NOX4: variants seen among roughly 807,000 people sequenced by gnomAD.
NOX4 encodes kidney oxidase-1.
NOX4 carries 69 observed loss-of-function variants against 87.6 expected under a neutral mutation model. The observed-to-expected ratio is 0.79, with a 90% confidence interval of 0.65 to 0.96. The LOEUF is 0.96. NOX4 is among the 40% of genes least tolerant of loss of function. The probability of loss-of-function intolerance (pLI) is 0.00; values close to 1 mark genes in which losing one functional copy is unlikely to be tolerated. For synonymous variants in NOX4, 275 were observed against 238.2 expected, an observed-to-expected ratio of 1.15 and a Z score of -1.42; for missense variants, 680 against 681.5, an observed-to-expected ratio of 1.00 and a Z score of 0.02.
intron 6 of NOX4, among the ~76,000 whole-genome samples, chr11:89,434,424 C>T (rs1943976873): frequency 6.6e-6 from 1 of 152,014 alleles, no homozygotes; most frequent in African/African-American, 2.4e-5. Context: ...CGCTTCCTTC[C>T]TAGAGGAAAA....
intron 16 of NOX4, among the ~76,000 whole-genome samples, chr11:89,337,112 T>C (rs993040012): frequency 6.6e-6 from 1 of 152,040 alleles, no homozygotes; most frequent in African/African-American, 2.4e-5. Context: ...AGCTTAACTG[T>C]ATACGAACTC....
intron 7 of NOX4, among the ~76,000 whole-genome samples, chr11:89,432,390 A>C (rs1055693597): frequency 1.1e-4 from 17 of 151,966 alleles, no homozygotes; most frequent in African/African-American, 4.1e-4. Context: ...CACAATGTTA[A>C]ATCTTAAAAA....
At chr11:89,492,351 G>A (rs1461776560), upstream of NOX4, 2 of 152,148 alleles carry the variant, frequency 1.3e-5, no homozygotes, top group South Asian at 2.1e-4. Flanking sequence ...ACTAATGAGA[G>A]ACAGAAAAGT....
Position 89,433,258 on chromosome 11 carries a change from C to A in NOX4, c.476-402G>T, listed in dbSNP as rs534381563. 2.6e-4 allele frequency among the ~76,000 whole-genome samples: 39 copies of A among 152,166 alleles called. No homozygotes were observed. In the East Asian group the frequency reaches 5.4e-3, roughly 21 times the overall value. On this transcript the variant is annotated intron_variant, in intron 6 of 17. Coordinates refer to ENST00000263317, the MANE Select transcript of NOX4 (RefSeq NM_016931.5). ...ATAGTCATTCTACAGTGGTACAGAA[C>A]ACCAGAACTTATTAAAATCAGTACA...
At chr11:89,433,498 G>GCTCT (rs1455645273) in intron 6 of NOX4, among the ~76,000 whole-genome samples, 1 of 151,892 alleles carries the variant, frequency 6.6e-6, no homozygotes, top group East Asian at 1.9e-4. Context: ...TCTCCCTCAT[G>GCTCT]CTCTCCTTCC....
the NOX4 span, among the ~76,000 whole-genome samples, chr11:89,511,695 T>C: frequency 6.6e-6 from 1 of 152,024 alleles, no homozygotes; most frequent in South Asian, 2.1e-4. Context: ...CTTCCTAAAA[T>C]TGCTTCTTTG....
chr11:89,518,575 G>A, the NOX4 span, among the ~76,000 whole-genome samples: 1 of 151,990 alleles, frequency 6.6e-6, no homozygotes, highest in Non-Finnish European at 1.5e-5. Flanking sequence ...TGGTCTGGGT[G>A]AACTCTATTC....
the NOX4 span, among the ~76,000 whole-genome samples, chr11:89,529,422 G>T: frequency 6.6e-6 from 1 of 152,186 alleles, no homozygotes; most frequent in Non-Finnish European, 1.5e-5. Flanking sequence ...GAGAAACTCA[G>T]TGAAGTAGCC....
intron 7 of NOX4, among the ~76,000 whole-genome samples, chr11:89,425,113 G>T (rs1206005636): frequency 6.6e-6 from 1 of 151,992 alleles, no homozygotes; most frequent in Non-Finnish European, 1.5e-5. Context: ...TTTAAAATAA[G>T]TATGTCAGAT....
chr11:89,362,848 G>T lies in NOX4; in HGVS notation c.1136-7805C>A, dbSNP rs554856175. ...CACACACATGATGCTTGAAATAGAA[G>T]GTACAAATGAGTTTTCTCACAACAT... On this transcript the variant is annotated intron_variant, in intron 12 of 17. Coordinates refer to ENST00000263317, the MANE Select transcript of NOX4 (RefSeq NM_016931.5). Among the ~76,000 whole-genome samples, 7 of 151,998 alleles carry T rather than the reference G, an allele frequency of 4.6e-5. No individual in the cohort carries two copies. The South Asian group carries it at 8.3e-4, about 18-fold the overall frequency.
intron 4 of NOX4, among the ~76,000 whole-genome samples, chr11:89,446,778 G>T (rs1304320): frequency 0.4 from 60,614 of 151,942 alleles, 12,476 homozygotes; most frequent in East Asian, 0.52. Flanking sequence ...ATTCTGCATG[G>T]TACAGTAATG....
chr11:89,388,013 G>C (rs1285800631), intron 11 of NOX4, among the ~76,000 whole-genome samples: 1 of 152,136 alleles, frequency 6.6e-6, no homozygotes, highest in East Asian at 1.9e-4. Context: ...GTATTATTTT[G>C]ATTACTTTGG....
At chr11:89,388,846 T>G (rs527722352) in intron 11 of NOX4, among the ~76,000 whole-genome samples, 1 of 152,270 alleles carries the variant, frequency 6.6e-6, no homozygotes, top group African/African-American at 2.4e-5. Context: ...CAACCATAAC[T>G]AAATCCACTT....
chr11:89,431,545 T>TTAGCCCTTTGTCA (rs1943783719), intron 7 of NOX4, among the ~76,000 whole-genome samples: 1 of 152,086 alleles, frequency 6.6e-6, no homozygotes, highest in Non-Finnish European at 1.5e-5. Context: ...GCAAAGGATA[T>TTAGCCCTTTGTCA]GAACAGACAC....
At chr11:89,542,079 G>A in the NOX4 span, among the ~76,000 whole-genome samples, 1 of 152,108 alleles carries the variant, frequency 6.6e-6, no homozygotes, top group African/African-American at 2.4e-5. Context: ...CCAGAGGGCT[G>A]GGATTACAGG....
chr11:89,466,844 A>G (rs1945716904), intron 2 of NOX4, among the ~76,000 whole-genome samples: 1 of 152,200 alleles, frequency 6.6e-6, no homozygotes, highest in Non-Finnish European at 1.5e-5. Flanking sequence ...AGATCTGAAG[A>G]ATAAAACTAG....
the NOX4 span, among the ~76,000 whole-genome samples, chr11:89,565,009 C>T: frequency 6.6e-6 from 1 of 152,026 alleles, no homozygotes; most frequent in African/African-American, 2.4e-5. Flanking sequence ...AGCAGGATAA[C>T]TTAAAAGTCT....
At chr11:89,413,530 G>C (rs1447209654) in intron 8 of NOX4, among the ~76,000 whole-genome samples, 1 of 152,046 alleles carries the variant, frequency 6.6e-6, no homozygotes, top group African/African-American at 2.4e-5. Flanking sequence ...TCAACGACGT[G>C]GGTGGAACTG....
chr11:89,426,860 C>A (rs557991359), intron 7 of NOX4, among the ~76,000 whole-genome samples: 3 of 152,262 alleles, frequency 2.0e-5, no homozygotes, highest in Non-Finnish European at 4.4e-5. Flanking sequence ...TGTCTGACAG[C>A]TTTGAAGAGA....
Sources: gnomAD v4.1 joint callset for allele counts (sites outside exome capture counted in the v4.1 genomes callset) on GRCh38, gnomAD v4.1.1 for gene constraint, MANE v1.5 for transcripts, NCBI Gene and HGNC (gene_info 2026-07-23, HGNC 2026-07-21) for gene names.